NELL1: variants seen among roughly 807,000 people sequenced by gnomAD.
NELL1 encodes the protein neural EGFL like 1, also known as protein kinase C-binding protein NELL1.
NELL1 carries 76 observed loss-of-function variants against 107.4 expected under a neutral mutation model. The observed-to-expected ratio is 0.71, with a 90% CI of 0.59 to 0.86. The LOEUF (loss-of-function observed/expected upper bound fraction) is 0.86, where lower values mean the gene tolerates loss of function less well. Among genes scored for constraint, NELL1 ranks in the 40% least tolerant of loss-of-function variants. The probability of loss-of-function intolerance (pLI) is 0.00; values close to 1 mark genes in which losing one functional copy is unlikely to be tolerated. For missense variants in NELL1, 1,024 were observed against 1,005.5 expected, an observed-to-expected ratio of 1.02 and a Z score of -0.25; for synonymous variants, 353 against 341.2, an observed-to-expected ratio of 1.03 and a Z score of -0.38.
intron 13 of NELL1, among the ~76,000 whole-genome samples, chr11:21,161,354 A>G (rs761744818): frequency 6.6e-6 from 1 of 152,152 alleles, no homozygotes; most frequent in Non-Finnish European, 1.5e-5. Context: ...CCTGGCCAAC[A>G]TAGCAAAACC....
At chr11:21,361,080 G>A (rs1851065144) in intron 14 of NELL1, among the ~76,000 whole-genome samples, 1 of 151,952 alleles carries the variant, frequency 6.6e-6, no homozygotes, top group Admixed American at 6.6e-5. Context: ...ATGCTTTAAG[G>A]AGTTTCTTTT....
intron 4 of NELL1, among the ~76,000 whole-genome samples, chr11:20,878,613 T>G (rs1169010877): frequency 6.6e-6 from 1 of 152,158 alleles, no homozygotes; most frequent in Non-Finnish European, 1.5e-5. Context: ...TTGAAAAGGG[T>G]TATTACATTT....
rs1474429045 is a variant in NELL1 at position 21,006,702 on chromosome 11, T to G, written c.1300+46142T>G. ...GAAGAGGGATAAGACCCCCAACGCC[T>G]CTCAGGGTTGAAAGCTTCAACTACA... is the stretch of plus-strand genomic sequence containing the variant. On this transcript the variant is annotated intron_variant, in intron 12 of 19. Coordinates refer to ENST00000357134, the MANE Select transcript of NELL1 (RefSeq NM_006157.5). Among the ~76,000 whole-genome samples, 2 of 152,198 alleles carry G rather than the reference T, an allele frequency of 1.3e-5. 1 individual carries two copies. Among genetic ancestry groups the G allele is most frequent in the Admixed American group, 1.3e-4 (2 of 15,262 alleles).
chr11:20,925,657 ATAT>A (rs774454400), intron 7 of NELL1, among the ~76,000 whole-genome samples: 1 of 152,084 alleles, frequency 6.6e-6, no homozygotes, highest in Non-Finnish European at 1.5e-5. Context: ...TAGGAAGCTA[ATAT>A]TTCAGGCAGC....
chr11:21,227,305 G>A (rs181697564), intron 13 of NELL1, among the ~76,000 whole-genome samples: 1 of 152,052 alleles, frequency 6.6e-6, no homozygotes, highest in Non-Finnish European at 1.5e-5. Context: ...TGTTATCCCA[G>A]TGTAATTATT....
At chr11:20,784,366 A>T (rs11025757) in intron 3 of NELL1, among the ~76,000 whole-genome samples, 43,544 of 152,166 alleles carry the variant, frequency 0.29, 7,023 homozygotes, top group African/African-American at 0.43. Flanking sequence ...TTGGAAAAGA[A>T]GATAGTTGTA....
At chr11:21,271,460 A>G (rs868380257) in intron 14 of NELL1, among the ~76,000 whole-genome samples, 3 of 152,224 alleles carry the variant, frequency 2.0e-5, no homozygotes, top group African/African-American at 7.2e-5. Context: ...GCCTATATCT[A>G]TTACAGAAAT....
At chr11:20,950,523 G>A (rs1304359694) in intron 11 of NELL1, among the ~76,000 whole-genome samples, 1 of 152,068 alleles carries the variant, frequency 6.6e-6, no homozygotes, top group Non-Finnish European at 1.5e-5. Flanking sequence ...GGACTCACAG[G>A]AGAAGGGGGT....
chr11:20,903,478 A>G (rs1849923320), intron 5 of NELL1, among the ~76,000 whole-genome samples: 2 of 151,976 alleles, frequency 1.3e-5, no homozygotes, highest in African/African-American at 4.8e-5. Flanking sequence ...GAACTGACAC[A>G]TTTTTTTCAC....
At chr11:20,908,662 C>G (rs1217123523) in intron 5 of NELL1, among the ~76,000 whole-genome samples, 1 of 151,908 alleles carries the variant, frequency 6.6e-6, no homozygotes, top group Non-Finnish European at 1.5e-5. Flanking sequence ...GCACATGTAT[C>G]CTGGAACTTA....
rs977868497 is a variant in NELL1 at position 21,081,389 on chromosome 11, T to A, written c.1301-32200T>A. On this transcript the variant is annotated intron_variant, in intron 12 of 19. Transcript: ENST00000357134. ...CCAACCTGGTTTCTCTTTTCCTTTT[T>A]TTCCCCCCTATAAACGAAGGTGATC... is the stretch of plus-strand genomic sequence containing the variant. 2.0e-5 allele frequency among the ~76,000 whole-genome samples: 3 copies of A among 152,284 alleles called. No individual in the cohort carries two copies. The East Asian group carries it at 5.8e-4, about 29-fold the overall frequency.
At chr11:20,963,965 T>C (rs1262617070) in intron 12 of NELL1, among the ~76,000 whole-genome samples, 1 of 152,100 alleles carries the variant, frequency 6.6e-6, no homozygotes, top group Non-Finnish European at 1.5e-5. Context: ...TCCTGCTCTG[T>C]AGAGATTGTC....
chr11:20,927,172 ATAATGC>A (rs1311077089), intron 7 of NELL1, 130 bp from the exon 8 acceptor site: 4 of 717,314 alleles, frequency 5.6e-6, no homozygotes, highest in African/African-American at 1.8e-5. Flanking sequence ...CAAAAAACAG[ATAATGC>A]TAAGAATCAG....
chr11:21,236,189 T>G (rs1193509633), intron 14 of NELL1, among the ~76,000 whole-genome samples: 3 of 152,214 alleles, frequency 2.0e-5, no homozygotes, highest in African/African-American at 7.2e-5. Context: ...CCATTTTTCC[T>G]TGATCTTCTG....
intron 12 of NELL1, among the ~76,000 whole-genome samples, chr11:21,084,078 C>G (rs1333130737): frequency 6.6e-6 from 1 of 151,978 alleles, no homozygotes; most frequent in Non-Finnish European, 1.5e-5. Flanking sequence ...GTAATTACTG[C>G]AGGTTTATAT....
At chr11:20,757,324 C>G (rs1856319500) in intron 2 of NELL1, among the ~76,000 whole-genome samples, 1 of 152,192 alleles carries the variant, frequency 6.6e-6, no homozygotes, top group Non-Finnish European at 1.5e-5. Context: ...CCTACCCCAT[C>G]ACTGGGTATA....
At chr11:21,159,061 C>T (rs1201095501) in intron 13 of NELL1, among the ~76,000 whole-genome samples, 1 of 152,032 alleles carries the variant, frequency 6.6e-6, no homozygotes, top group African/African-American at 2.4e-5. Context: ...TTATTGAGAC[C>T]AAGATCCTAA....
At chr11:21,177,264 C>A (rs1485726525) in intron 13 of NELL1, among the ~76,000 whole-genome samples, 4 of 151,614 alleles carry the variant, frequency 2.6e-5, no homozygotes, top group Non-Finnish European at 5.9e-5. Context: ...TTCTATCTAC[C>A]CCCTGCCATC....
chr11:21,256,029 T>G (rs1858759370), intron 14 of NELL1, among the ~76,000 whole-genome samples: 1 of 152,048 alleles, frequency 6.6e-6, no homozygotes, highest in African/African-American at 2.4e-5. Context: ...ATATTGTGTC[T>G]TTATGTAGCT....
Sources: allele counts gnomAD v4.1 joint callset (sites outside exome capture counted in the v4.1 genomes callset), GRCh38; gene constraint gnomAD v4.1.1; transcripts MANE v1.5; gene names NCBI Gene and HGNC (gene_info 2026-07-23, HGNC 2026-07-21).